Variants in ZFP28 observed in about 807,000 individuals in gnomAD.
ZFP28 encodes the protein ZFP28 zinc finger protein, also known as zinc finger protein 28 homolog.
A neutral mutation model predicts 39.5 loss-of-function variants in ZFP28; 31 were observed. That is an observed-to-expected ratio of 0.79 (90% CI 0.59 to 1.06). The LOEUF (loss-of-function observed/expected upper bound fraction) is 1.06, where lower values mean the gene tolerates loss of function less well. Among genes scored for constraint, ZFP28 ranks in the 50% least tolerant of loss-of-function variants. ZFP28 has a pLI of 0.00. For synonymous variants in ZFP28, 400 were observed against 378.6 expected (o/e 1.06, Z -0.66); for missense variants, 925 against 1,048.4 (o/e 0.88, Z 1.63).
rs1204560163 is a variant in ZFP28, at chr19:56,551,197, G to T, written c.898+592G>T. The T allele has an allele frequency of 8.1e-6, 8 of 986,778 alleles. No homozygotes were observed. In the African/African-American group the frequency reaches 1.4e-4, roughly 17 times the overall value. 61.1% of individuals were successfully genotyped at this position (986,778 alleles called of 1,614,324 possible). On this transcript the variant is annotated intron_variant, in intron 7 of 7. Coordinates refer to ENST00000301318, the MANE Select transcript of ZFP28 (RefSeq NM_020828.2). Reference sequence around the variant, plus strand: ...TGGTGTCTATGTTTTAGTAGGACAGGTGGGTAGAAGTTGAATTGCAAGAAG... The same window carrying T: ...TGGTGTCTATGTTTTAGTAGGACAGTTGGGTAGAAGTTGAATTGCAAGAAG...
intron 6 of ZFP28, 107 bp downstream of exon 6, chr19:56,550,288 C>T (rs900864166): frequency 8.5e-7 from 1 of 1,179,460 alleles, no homozygotes; most frequent in East Asian, 2.6e-5. Flanking sequence ...GACATGCTGG[C>T]CTGAATTTTG....
In ZFP28 at chr19:56,539,645, G is replaced by A; in HGVS notation, c.229G>A (p.Ala77Thr). 3 of 1,614,082 alleles carry A rather than the reference G, an allele frequency of 1.9e-6. No homozygotes were observed. Among genetic ancestry groups the A allele is most frequent in the African/African-American group, 1.3e-5 (1 of 75,016 alleles). The change falls in exon 2 of 8, where the codon GCT (alanine) becomes ACT (threonine). Residue 77 changes from alanine to threonine, a missense_variant. Coordinates refer to ENST00000301318, the MANE Select transcript of ZFP28 (RefSeq NM_020828.2). ...TTCAGCTCTGCCTTCCAGGGACACT[G>A]CTCTTCCCCAGGAGAGAAACAAGAA... is the stretch of plus-strand genomic sequence containing the variant. ...GHRALPSRDT[A>T]LPQERNKKLE...
In ZFP28 at chr19:56,555,248, C is replaced by G. The variant is rs1257923498; in HGVS notation, c.2463C>G (p.Val821=). 4 of 1,614,172 alleles carry G rather than the reference C, an allele frequency of 2.5e-6. No individual in the cohort carries two copies. Among genetic ancestry groups the G allele is most frequent in the Non-Finnish European group, 3.4e-6 (4 of 1,180,040 alleles). ...RSYNYKKSRK[V]FRQTAHLAHH... ...ATAACTATAAGAAAAGCAGAAAAGTCTTCAGGCAAACTGCTCACTTAGCTC... is the reference window on the plus strand; with the variant it reads ...ATAACTATAAGAAAAGCAGAAAAGTGTTCAGGCAAACTGCTCACTTAGCTC... Residue 821 remains valine, a synonymous_variant, in exon 8 of 8, where the codon GTC becomes GTG. Coordinates refer to ENST00000301318, the MANE Select transcript of ZFP28 (RefSeq NM_020828.2).
Position 56,543,778 on chromosome 19 carries a change from G to A in ZFP28, c.301-3730G>A, listed in dbSNP as rs561201529. On this transcript the variant is annotated intron_variant, in intron 2 of 7. Transcript: ENST00000301318. ...CACCTAAATTAAGTAGGTTGATCCA[G>A]ACATCAGTTAGGGAAAGTTCATTTT... 2.5e-4 allele frequency among the ~76,000 whole-genome samples: 38 copies of A among 152,302 alleles called. No homozygotes were observed. In the South Asian group the frequency reaches 7.7e-3, roughly 31 times the overall value.
At chr19:56,553,341 C>T (rs1310448351) in intron 7 of ZFP28, among the ~76,000 whole-genome samples, 2 of 152,104 alleles carry the variant, frequency 1.3e-5, no homozygotes, top group Non-Finnish European at 2.9e-5. Context: ...CTGCCTTTGC[C>T]TCCTGAGTAG....
In ZFP28 at chr19:56,539,234, T is replaced by C; in HGVS notation, c.208+8T>C. ...CGGGGCCTGGGCACAGAGGTGAGAG[T>C]GACAGGTGTTTGGGGCCGAGCGGAC... On this transcript the variant is annotated splice_region_variant and intron_variant, in intron 1 of 7. Coordinates refer to ENST00000301318, the MANE Select transcript of ZFP28 (RefSeq NM_020828.2). 6.3e-7 allele frequency: 1 copy of C among 1,585,830 alleles called. No homozygotes were observed. Among genetic ancestry groups the C allele is most frequent in the Non-Finnish European group, 8.5e-7 (1 of 1,171,650 alleles).
At chr19:56,544,705 C>A (rs776874928) in intron 2 of ZFP28, 3 of 152,080 alleles carry the variant, frequency 2.0e-5, no homozygotes, top group African/African-American at 7.2e-5. Flanking sequence ...CTATTAGGAT[C>A]GTTGTGAGGA....
intron 2 of ZFP28, among the ~76,000 whole-genome samples, chr19:56,543,355 T>TTA (rs1050883798): frequency 4.1e-5 from 6 of 145,328 alleles, no homozygotes; most frequent in Non-Finnish European, 7.5e-5. Context: ...TATGTATATT[T>TTA]TATATATATA....
Position 56,555,513 on chromosome 19 carries a change from C to G in ZFP28, c.*121C>G. 7.7e-7 allele frequency: 1 copy of G among 1,305,216 alleles called. No individual in the cohort carries two copies. Among genetic ancestry groups the G allele is most frequent in the Non-Finnish European group, 1.0e-6 (1 of 955,848 alleles). The allele number at this position is 1,305,216 out of a possible 1,614,324, so 80.9% of individuals were successfully genotyped here. A position where few individuals can be genotyped will look rare whatever the true frequency, so the allele number is the denominator to read the frequency against. Reference sequence around the variant, plus strand: ...CACATAAGTGTAAATGTAACTTATTCACTCCTCTTGTAAAACTTATAGTTT... The same window carrying G: ...CACATAAGTGTAAATGTAACTTATTGACTCCTCTTGTAAAACTTATAGTTT... On this transcript the variant is annotated 3_prime_UTR_variant, in exon 8 of 8. Coordinates refer to ENST00000301318, the MANE Select transcript of ZFP28 (RefSeq NM_020828.2).
At chr19:56,538,701 C>CCA (rs1600535549), upstream of ZFP28, 2 of 151,098 alleles carry the variant, frequency 1.3e-5, no homozygotes, top group East Asian at 3.9e-4. Context: ...TGCGCCGAGG[C>CCA]CACGCCCGGT....
At chr19:56,539,341 C>A in intron 1 of ZFP28, 115 bp downstream of exon 1, 1 of 1,130,198 alleles carries the variant, frequency 8.8e-7, no homozygotes, top group Non-Finnish European at 1.2e-6. Context: ...TGCCCCTGGT[C>A]TTTGAAGCTG....
chr19:56,539,369 G>T, intron 1 of ZFP28, 143 bp downstream of exon 1: 1 of 951,102 alleles, frequency 1.1e-6, no homozygotes, highest in Non-Finnish European at 1.5e-6. Flanking sequence ...GGGAGAATCT[G>T]AAGATTTGGA....
intron 1 of ZFP28, 35 bp downstream of exon 1, chr19:56,539,261 G>T: frequency 1.3e-6 from 2 of 1,555,498 alleles, no homozygotes. Context: ...CGAGCGGACA[G>T]GGACGAATTC....
intron 6 of ZFP28, 44 bp downstream of exon 6, chr19:56,550,225 C>T: frequency 6.5e-7 from 1 of 1,537,194 alleles, no homozygotes; most frequent in Non-Finnish European, 8.9e-7. Context: ...CGTCGGGTAC[C>T]TCCATTTCCA....
Position 56,538,965 on chromosome 19 carries a change from G to T in ZFP28, c.-54G>T. The T allele has an allele frequency of 7.7e-7, 1 of 1,290,558 alleles. No individual in the cohort carries two copies. The highest frequency in any genetic ancestry group is 9.8e-7 in the Non-Finnish European group (1 of 1,015,856). The allele number at this position is 1,290,558 out of a possible 1,614,324, so 79.9% of individuals were successfully genotyped here. A position where few individuals can be genotyped will look rare whatever the true frequency, so the allele number is the denominator to read the frequency against. On this transcript the variant is annotated 5_prime_UTR_variant, in exon 1 of 8. Transcript: ENST00000301318. Reference sequence around the variant, plus strand: ...GGGCGTGGCGGGCGGGTGTGGCCAGGGGTGTGGGTCTGTGAGGGACCGGTC... The same window carrying T: ...GGGCGTGGCGGGCGGGTGTGGCCAGTGGTGTGGGTCTGTGAGGGACCGGTC...
intron 7 of ZFP28, 44 bp from the exon 8 acceptor site, chr19:56,553,640 T>G: frequency 1.3e-6 from 2 of 1,524,002 alleles, no homozygotes; most frequent in Non-Finnish European, 1.8e-6. Context: ...TCCTTTTTCC[T>G]AGCACACGAA....
chr19:56,545,923 G>T (rs968402570), intron 2 of ZFP28: 3 of 152,224 alleles, frequency 2.0e-5, no homozygotes, highest in Admixed American at 6.5e-5. Flanking sequence ...TGGGGACTGG[G>T]TGAGGACTGC....
chr19:56,541,058 A>C (rs1393461625), intron 2 of ZFP28, among the ~76,000 whole-genome samples: 1 of 151,908 alleles, frequency 6.6e-6, no homozygotes, highest in Admixed American at 6.6e-5. Flanking sequence ...CCAGATTCAC[A>C]TTGTGAGCCC....
In ZFP28 at chr19:56,547,845, G is replaced by T; in HGVS notation, c.466G>T (p.Glu156Ter). ...TAAGCCCGATGTGATCTCCTCGTTG[G>T]AACAAGGAAAAGAGCCTTGGACAGT... is the stretch of plus-strand genomic sequence containing the variant. ...VSKPDVISSL[E>*]QGKEPWTVKR... The change falls in exon 4 of 8, where the codon GAA becomes TAA. Residue 156 changes from glutamate to a stop codon, truncating the protein, a stop_gained. Coordinates refer to ENST00000301318, the MANE Select transcript of ZFP28 (RefSeq NM_020828.2). LOFTEE classifies it high-confidence loss of function. The surrounding 1 kb of genome is among the most constrained non-coding windows in gnomAD (Gnocchi z 4.6). 1 of 1,614,086 alleles carries T rather than the reference G, an allele frequency of 6.2e-7. No individual in the cohort carries two copies. The highest frequency in any genetic ancestry group is 1.1e-5 in the South Asian group (1 of 91,074).
Sources: gnomAD v4.1 joint callset for allele counts (sites outside exome capture counted in the v4.1 genomes callset) on GRCh38, gnomAD v4.1.1 for gene constraint, Gnocchi (gnomAD v3.1) non-coding constraint, MANE v1.5 for transcripts, NCBI Gene and HGNC (gene_info 2026-07-23, HGNC 2026-07-21) for gene names.